Variants in CPNE2 observed in about 807,000 individuals in gnomAD.
CPNE2 encodes copine 2.
In CPNE2, 42 loss-of-function variants were observed where a neutral mutation model predicts 69.7. The ratio of observed to expected loss-of-function variants is 0.60; its 90% CI spans 0.47 to 0.78. The LOEUF (loss-of-function observed/expected upper bound fraction) is 0.78, where lower values mean the gene tolerates loss of function less well. Ranked by LOEUF, CPNE2 falls within the 30% of genes least tolerant of loss-of-function variation. CPNE2 has a pLI of 0.00. For synonymous variants in CPNE2, 294 were observed against 289.8 expected (o/e 1.01, Z -0.15); for missense variants, 587 against 732.0 (o/e 0.80, Z 2.29).
At position 57,123,372 on chromosome 16, in the gene CPNE2, A is replaced by C. The variant is rs777184713; in HGVS notation, c.868-42A>C. ...CAACAACTCCCCCATGGGGAGTGTGACCAAGTCAAGGGGACCCACTGACTC... is the reference window on the plus strand; with the variant it reads ...CAACAACTCCCCCATGGGGAGTGTGCCCAAGTCAAGGGGACCCACTGACTC... On this transcript the variant is annotated intron_variant, in intron 9 of 15. Transcript: ENST00000290776. The C allele has an allele frequency of 4.4e-5, 70 of 1,603,242 alleles. No individual in the cohort carries two copies. In the African/African-American group the frequency reaches 8.6e-4, roughly 20 times the overall value.
intron 4 of CPNE2, among the ~76,000 whole-genome samples, 199 bp from the exon 5 acceptor site, chr16:57,117,297 C>T (rs2069726397): frequency 6.6e-6 from 1 of 152,182 alleles, no homozygotes. Context: ...TCCTCATCTC[C>T]AGATGGGTTA....
chr16:57,117,833 G>A (rs555501616), intron 5 of CPNE2, among the ~76,000 whole-genome samples: 29 of 152,058 alleles, frequency 1.9e-4, no homozygotes, highest in Non-Finnish European at 3.5e-4. Flanking sequence ...ACATTCCAAG[G>A]TCCTTACCCA....
intron 10 of CPNE2, chr16:57,124,457 C>G (rs1409242647): frequency 2.3e-6 from 1 of 444,290 alleles, no homozygotes. Context: ...CTGATCGTCG[C>G]ACCCACTGGA....
At position 57,121,075 on chromosome 16, in the gene CPNE2, G is replaced by T; in HGVS notation, c.682-18G>T. ...CTTGGGGGACAGCTCTGGGGTGACC[G>T]TGCTGAACCCACCCCAGGTCATGTG... On this transcript the variant is annotated intron_variant, in intron 7 of 15. Coordinates refer to ENST00000290776, the MANE Select transcript of CPNE2 (RefSeq NM_152727.6). The T allele has an allele frequency of 6.2e-7, 1 of 1,602,664 alleles. No individual in the cohort carries two copies. The highest frequency in any genetic ancestry group is 8.5e-7 in the Non-Finnish European group (1 of 1,171,428).
intron 2 of CPNE2, chr16:57,113,018 AAAGAATT>A: frequency 3.1e-6 from 1 of 325,448 alleles, no homozygotes; most frequent in Non-Finnish European, 5.7e-6. Flanking sequence ...AGCCAGGGCC[AAAGAATT>A]AAGAGTGTGG....
chr16:57,116,074 G>A (rs574883429), intron 4 of CPNE2, among the ~76,000 whole-genome samples: 4 of 152,226 alleles, frequency 2.6e-5, no homozygotes, highest in East Asian at 3.9e-4. Flanking sequence ...CGCGATGCCT[G>A]GGAAGCCGGC....
In CPNE2 at chr16:57,146,644, G is replaced by T; in HGVS notation, c.1539+323G>T. ...GATGAGAGGCTGGGGCTATCCATGTGGTGTAAAGTGCAGGAGGAGAGAGGG... is the reference window on the plus strand; with the variant it reads ...GATGAGAGGCTGGGGCTATCCATGTTGTGTAAAGTGCAGGAGGAGAGAGGG... On this transcript the variant is annotated intron_variant, in intron 15 of 15. Transcript: ENST00000290776. The surrounding 1 kb of genome is among the most constrained non-coding windows in gnomAD (Gnocchi z 4.4). The T allele has an allele frequency of 3.3e-6, 1 of 302,348 alleles. No individual in the cohort carries two copies. Among genetic ancestry groups the T allele is most frequent in the East Asian group, 7.7e-5 (1 of 12,918 alleles). The allele number at this position is 302,348 out of a possible 1,614,324, so 18.7% of individuals were successfully genotyped here. A position where few individuals can be genotyped will look rare whatever the true frequency, so the allele number is the denominator to read the frequency against.
intron 1 of CPNE2, among the ~76,000 whole-genome samples, chr16:57,109,894 A>G (rs1394184945): frequency 6.6e-6 from 1 of 152,162 alleles, no homozygotes; most frequent in Non-Finnish European, 1.5e-5. Context: ...TTCCTATTCA[A>G]GATGGAGTTG....
chr16:57,100,928 A>G (rs2069609403), intron 1 of CPNE2, among the ~76,000 whole-genome samples: 1 of 152,182 alleles, frequency 6.6e-6, no homozygotes, highest in Non-Finnish European at 1.5e-5. Flanking sequence ...AAAGATTGCT[A>G]TGATGGTTAA....
intron 7 of CPNE2, among the ~76,000 whole-genome samples, chr16:57,120,413 C>G (rs1282835020): frequency 2.0e-5 from 3 of 150,548 alleles, no homozygotes; most frequent in African/African-American, 7.3e-5. Flanking sequence ...CACCCACCCT[C>G]TCACGGTCTT....
At chr16:57,128,473 G>A (rs758286016) in intron 12 of CPNE2, among the ~76,000 whole-genome samples, 74 of 152,062 alleles carry the variant, frequency 4.9e-4, no homozygotes, top group Non-Finnish European at 9.7e-4. Flanking sequence ...GTGATCCACC[G>A]GCCTCAGCCT....
In CPNE2 at chr16:57,130,616, C is replaced by T. The variant is rs116903871; in HGVS notation, c.1116+2713C>T. Among the ~76,000 whole-genome samples the T allele has an allele frequency of 6.7e-4, 102 of 152,090 alleles. 1 individual carries two copies. In the East Asian group the frequency reaches 0.016, roughly 24 times the overall value. On this transcript the variant is annotated intron_variant, in intron 12 of 15. Coordinates refer to ENST00000290776, the MANE Select transcript of CPNE2 (RefSeq NM_152727.6). The surrounding 1 kb of genome is among the most constrained non-coding windows in gnomAD (Gnocchi z 4.1). Reference sequence around the variant, plus strand: ...GGCCCTGTTATGAACCCATTTTGATCGTTGAGGAAGCCAAGCAGTCAGGGC... The same window carrying T: ...GGCCCTGTTATGAACCCATTTTGATTGTTGAGGAAGCCAAGCAGTCAGGGC...
intron 12 of CPNE2, among the ~76,000 whole-genome samples, chr16:57,132,960 G>A (rs1189994797): frequency 6.6e-6 from 1 of 152,106 alleles, no homozygotes; most frequent in Non-Finnish European, 1.5e-5. Context: ...AGAGCGGGGG[G>A]CCCGAGAAGG....
At chr16:57,100,559 G>C (rs1490005163) in intron 1 of CPNE2, among the ~76,000 whole-genome samples, 1 of 152,242 alleles carries the variant, frequency 6.6e-6, no homozygotes, top group Non-Finnish European at 1.5e-5. Context: ...AGTCACATTA[G>C]TGGAGGCCCA....
chr16:57,142,906 C>T (rs2069933054), intron 14 of CPNE2: 1 of 152,202 alleles, frequency 6.6e-6, no homozygotes, highest in Non-Finnish European at 1.5e-5. Context: ...GTTTACAGCC[C>T]TAGAAACCTG....
In CPNE2 at chr16:57,115,560, C is replaced by A. The variant is rs765761440; in HGVS notation, c.435+10C>A. Reference sequence around the variant, plus strand: ...GAAGGGCTTGATTACGGTACCAGTCCCCTCCCGGCTCTCCGCACCCCCTCC... The same window carrying A: ...GAAGGGCTTGATTACGGTACCAGTCACCTCCCGGCTCTCCGCACCCCCTCC... On this transcript the variant is annotated intron_variant, in intron 4 of 15. Transcript: ENST00000290776. 6 of 1,603,784 alleles carry A rather than the reference C, an allele frequency of 3.7e-6. No homozygotes were observed. In the African/African-American group the frequency reaches 6.7e-5, roughly 18 times the overall value.
intron 10 of CPNE2, chr16:57,125,573 G>A: frequency 4.3e-6 from 2 of 461,668 alleles, no homozygotes; most frequent in East Asian, 4.4e-5. Context: ...TGAATGTGTG[G>A]ATAGGGATAG....
At chr16:57,104,925 C>T (rs933380059) in intron 1 of CPNE2, among the ~76,000 whole-genome samples, 27 of 152,002 alleles carry the variant, frequency 1.8e-4, no homozygotes, top group African/African-American at 6.3e-4. Flanking sequence ...AGGAAGCAAG[C>T]GAGGGGGAGG....
At chr16:57,112,109 G>A (rs2069685032) in intron 2 of CPNE2, among the ~76,000 whole-genome samples, 1 of 152,210 alleles carries the variant, frequency 6.6e-6, no homozygotes. Flanking sequence ...ACATACTGTG[G>A]TTTACAAAGA....
Sources: gnomAD v4.1 joint callset for allele counts (sites outside exome capture counted in the v4.1 genomes callset) on GRCh38, gnomAD v4.1.1 for gene constraint, Gnocchi (gnomAD v3.1) non-coding constraint, MANE v1.5 for transcripts, NCBI Gene and HGNC (gene_info 2026-07-23, HGNC 2026-07-21) for gene names.